Variants in CFDP1 observed in about 807,000 individuals in gnomAD.
CFDP1 encodes the protein chromatin remodeling protein CFDP1.
A neutral mutation model predicts 40.1 loss-of-function variants in CFDP1; 31 were observed. The ratio of observed to expected loss-of-function variants is 0.77; its 90% CI spans 0.58 to 1.04. CFDP1 has a LOEUF of 1.04. Among genes scored for constraint, CFDP1 ranks in the 50% least tolerant of loss-of-function variants. The pLI is 0.00. For missense variants in CFDP1, 423 were observed against 343.4 expected (o/e 1.23, Z -1.83); for synonymous variants, 167 against 120.0 (o/e 1.39, Z -2.56).
intron 5 of CFDP1, among the ~76,000 whole-genome samples, chr16:75,394,276 G>C (rs956480538): frequency 2.6e-5 from 4 of 152,124 alleles, no homozygotes; most frequent in Admixed American, 1.3e-4. Context: ...CTGATTTACT[G>C]TAATACTTTA....
At chr16:75,354,501 C>G (rs1319902384) in intron 5 of CFDP1, among the ~76,000 whole-genome samples, 1 of 152,040 alleles carries the variant, frequency 6.6e-6, no homozygotes, top group Non-Finnish European at 1.5e-5. Flanking sequence ...AAAAAAAATC[C>G]AAGACATATC....
rs559474649 is a variant in CFDP1 at position 75,411,929 on chromosome 16, T to C, written c.426A>G (p.Thr142=). ...CTTTTACCAACAATTTACTTGAACT[T>C]GTCTCTTCAGTCTCCTCTCCTTTCT... is the stretch of plus-strand genomic sequence containing the variant. ...QVKKGEETEE[T]SSSKLLVKAE... is the part of the protein sequence containing the mutation. The change falls in exon 4 of 7, where the codon ACA becomes ACG. Residue 142 remains threonine, a synonymous_variant. Transcript: ENST00000283882. The C allele has an allele frequency of 6.2e-7, 1 of 1,610,312 alleles. No homozygotes were observed. The highest frequency in any genetic ancestry group is 1.1e-5 in the South Asian group (1 of 89,952).
chr16:75,307,702 G>C (rs2078268140), intron 5 of CFDP1, among the ~76,000 whole-genome samples: 1 of 152,162 alleles, frequency 6.6e-6, no homozygotes. Context: ...GAGACTACAG[G>C]TGTGTGCCAC....
chr16:75,431,823 A>C (rs1310439510), intron 1 of CFDP1, among the ~76,000 whole-genome samples: 1 of 152,178 alleles, frequency 6.6e-6, no homozygotes, highest in Non-Finnish European at 1.5e-5. Flanking sequence ...TAGACAACAG[A>C]AATATAATAC....
intron 4 of CFDP1, among the ~76,000 whole-genome samples, chr16:75,402,777 G>T (rs886311693): frequency 1.3e-5 from 2 of 152,112 alleles, no homozygotes; most frequent in African/African-American, 4.8e-5. Flanking sequence ...GTCCCCTTAT[G>T]AGAATTCCTT....
chr16:75,338,677 T>C (rs1300443013), intron 5 of CFDP1, among the ~76,000 whole-genome samples: 1 of 152,176 alleles, frequency 6.6e-6, no homozygotes, highest in African/African-American at 2.4e-5. Flanking sequence ...GATCCCCCCC[T>C]TTCATTTTTC....
rs145928679 is a variant in CFDP1, at chr16:75,432,456, C to T, written c.64+833G>A. ...GTCCCAGCTACTCCAGAGGCTGAGACGGGAGGATCGCTTGAGCCCAGGAGT... is the reference window on the plus strand; with the variant it reads ...GTCCCAGCTACTCCAGAGGCTGAGATGGGAGGATCGCTTGAGCCCAGGAGT... On this transcript the variant is annotated intron_variant, in intron 1 of 6. Transcript: ENST00000283882. Among the ~76,000 whole-genome samples, 970 of 150,284 alleles carry T rather than the reference C, an allele frequency of 6.5e-3. 7 individuals are homozygous for T. Among genetic ancestry groups the T allele is most frequent in the Middle Eastern group, 0.018 (5 of 280 alleles).
intron 5 of CFDP1, among the ~76,000 whole-genome samples, chr16:75,390,918 T>C (rs889883917): frequency 2.0e-5 from 3 of 152,232 alleles, no homozygotes; most frequent in African/African-American, 7.2e-5. Flanking sequence ...CCTGTGGTTT[T>C]CCACCACTTT....
At chr16:75,370,055 G>T (rs1253289904) in intron 5 of CFDP1, among the ~76,000 whole-genome samples, 1 of 151,314 alleles carries the variant, frequency 6.6e-6, no homozygotes, top group Non-Finnish European at 1.5e-5. Flanking sequence ...TTACAGGCGT[G>T]AGCCACCATG....
In CFDP1 at chr16:75,305,133, T is replaced by G; in HGVS notation, c.700A>C (p.Lys234Gln). 6.2e-7 allele frequency: 1 copy of G among 1,614,200 alleles called. No homozygotes were observed. The highest frequency in any genetic ancestry group is 8.5e-7 in the Non-Finnish European group (1 of 1,180,026). ...TCAAGGGTGCTCATTTTCTGCTTCT[T>G]GGCACCAATTTTCCCCAAAAGGCTG... is the stretch of plus-strand genomic sequence containing the variant. ...MSSLLGKIGA[K>Q]KQKMSTLEKS... Residue 234 changes from lysine to glutamine, a missense_variant, in exon 6 of 7, where the codon AAG (lysine) becomes CAG (glutamine). Lys to Gln is a moderately conservative substitution (Grantham distance 53). Coordinates refer to ENST00000283882, the MANE Select transcript of CFDP1 (RefSeq NM_006324.3).
chr16:75,300,198 G>A (rs2078212661), intron 6 of CFDP1, among the ~76,000 whole-genome samples: 1 of 152,192 alleles, frequency 6.6e-6, no homozygotes, highest in African/African-American at 2.4e-5. Context: ...GGGGCTGCGT[G>A]AATAGAAATA....
chr16:75,402,789 T>C (rs1279478196), intron 4 of CFDP1, among the ~76,000 whole-genome samples: 1 of 152,196 alleles, frequency 6.6e-6, no homozygotes. Context: ...GAATTCCTTA[T>C]AATGCCTAAA....
intron 4 of CFDP1, among the ~76,000 whole-genome samples, chr16:75,410,511 T>A (rs1274310579): frequency 1.3e-5 from 2 of 152,148 alleles, no homozygotes; most frequent in Non-Finnish European, 2.9e-5. Context: ...CAGTGGCTCA[T>A]GCCTGTAATC....
At chr16:75,307,858 C>T (rs1185330531) in intron 5 of CFDP1, among the ~76,000 whole-genome samples, 1 of 152,218 alleles carries the variant, frequency 6.6e-6, no homozygotes, top group African/African-American at 2.4e-5. Context: ...CCATATTAAG[C>T]CTTATCTCAG....
intron 1 of CFDP1, among the ~76,000 whole-genome samples, chr16:75,426,522 C>T (rs186529761): frequency 7.9e-5 from 12 of 152,004 alleles, no homozygotes; most frequent in African/African-American, 2.9e-4. Flanking sequence ...AAAAATTTTA[C>T]TCTGCAGGCC....
chr16:75,427,034 G>C, intron 1 of CFDP1, among the ~76,000 whole-genome samples: 1 of 139,468 alleles, frequency 7.2e-6, no homozygotes, highest in South Asian at 2.4e-4. Context: ...CAGCCTGGGG[G>C]ACAGCGAGAC....
At chr16:75,421,217 AG>A (rs746497619) in intron 1 of CFDP1, among the ~76,000 whole-genome samples, 9 of 152,180 alleles carry the variant, frequency 5.9e-5, no homozygotes, top group Non-Finnish European at 1.3e-4. Flanking sequence ...GCACAGCAGC[AG>A]GAACTCTGGC....
chr16:75,397,540 C>T (rs977665243), intron 4 of CFDP1, among the ~76,000 whole-genome samples: 17 of 150,066 alleles, frequency 1.1e-4, no homozygotes, highest in African/African-American at 3.2e-4. Context: ...CAGTGGCTCA[C>T]GCCTGTAATC....
intron 2 of CFDP1, among the ~76,000 whole-genome samples, chr16:75,414,317 A>T (rs2079186302): frequency 6.6e-6 from 1 of 152,234 alleles, no homozygotes; most frequent in Admixed American, 6.5e-5. Flanking sequence ...GAACAGGGTA[A>T]ACATCTTTTC....
Sources: gnomAD v4.1 joint callset for allele counts (sites outside exome capture counted in the v4.1 genomes callset) on GRCh38, gnomAD v4.1.1 for gene constraint, MANE v1.5 for transcripts, NCBI Gene and HGNC (gene_info 2026-07-23, HGNC 2026-07-21) for gene names.